SNRPN: variants seen among roughly 807,000 people sequenced by gnomAD.
SNRPN encodes small nuclear ribonucleoprotein polypeptide N, also known as small nuclear ribonucleoprotein-associated protein N.
Under a neutral mutation model 25.2 loss-of-function variants are expected in SNRPN, and 7 were observed. That is an observed-to-expected ratio of 0.28 (90% CI 0.16 to 0.52). SNRPN has a LOEUF of 0.52. SNRPN is among the 20% of genes least tolerant of loss of function. The probability of loss-of-function intolerance (pLI) is 0.96; values close to 1 mark genes in which losing one functional copy is unlikely to be tolerated. For synonymous variants in SNRPN, 124 were observed against 110.6 expected (o/e 1.12, Z -0.76); for missense variants, 196 against 322.5 (o/e 0.61, Z 3.00).
At chr15:24,909,809 A>T in intron 2 of SNRPN, 3 of 1,256,804 alleles carry the variant, frequency 2.4e-6, no homozygotes, top group Admixed American at 3.4e-5. Context: ...ATTCTTAACA[A>T]CTTTAACAAA....
At chr15:24,835,721 A>G (rs1816544140) in intron 2 of SNRPN, among the ~76,000 whole-genome samples, 1 of 152,172 alleles carries the variant, frequency 6.6e-6, no homozygotes, top group South Asian at 2.1e-4. Flanking sequence ...CAACTTTTTA[A>G]ACGTACCATG....
At chr15:24,917,912 G>A (rs2152419827) in intron 2 of SNRPN, among the ~76,000 whole-genome samples, 1 of 152,266 alleles carries the variant, frequency 6.6e-6, no homozygotes, top group Non-Finnish European at 1.5e-5. Flanking sequence ...TAACAAATGT[G>A]ACCTAAAGAG....
At chr15:24,953,967 A>T (rs1361652835), upstream of SNRPN, among the ~76,000 whole-genome samples, 1 of 152,108 alleles carries the variant, frequency 6.6e-6, no homozygotes, top group Non-Finnish European at 1.5e-5. Flanking sequence ...AGGGCTTGGG[A>T]GGGGATTTAA....
upstream of SNRPN, chr15:24,954,923 A>T (rs373436366): frequency 3.6e-6 from 5 of 1,406,870 alleles, no homozygotes; most frequent in Non-Finnish European, 4.9e-6. Context: ...CCGCAGAGGC[A>T]GGCTGGCGCG....
intron 1 of SNRPN, among the ~76,000 whole-genome samples, chr15:24,886,340 C>A (rs2057206178): frequency 6.6e-6 from 1 of 152,152 alleles, no homozygotes; most frequent in African/African-American, 2.4e-5. Context: ...TGTTCCTTGG[C>A]TATAAATTGC....
chr15:24,909,295 A>G (rs543164764), intron 2 of SNRPN: 3 of 1,602,948 alleles, frequency 1.9e-6, no homozygotes, highest in East Asian at 4.5e-5. Context: ...ATTGTTTGGT[A>G]CTGTGAGGGA....
At position 24,864,219 on chromosome 15, in the gene SNRPN, G is replaced by A. The variant is rs1454826831; in HGVS notation, c.-579+7503G>A. On this transcript the variant is annotated intron_variant, in intron 1 of 11. Transcript: ENST00000400097. ...TTTTTTTTGTATTTTTAGTAGAGAC[G>A]GGGTTTCACCATGTTAGCCAGGATG... is the stretch of plus-strand genomic sequence containing the variant. Among the ~76,000 whole-genome samples the A allele has an allele frequency of 1.4e-4, 20 of 140,710 alleles. No homozygotes were observed. The East Asian group carries it at 3.8e-3, about 26-fold the overall frequency. 92.3% of individuals were successfully genotyped at this position (140,710 alleles called of 152,430 possible). A position where few individuals can be genotyped will look rare whatever the true frequency, so the allele number is the denominator to read the frequency against.
intron 2 of SNRPN, among the ~76,000 whole-genome samples, chr15:24,907,425 G>A (rs780742247): frequency 1.3e-4 from 19 of 151,596 alleles, no homozygotes; most frequent in African/African-American, 2.2e-4. Context: ...GTGAAACCCC[G>A]TCTCTACTAA....
At chr15:24,976,751 T>A in intron 6 of SNRPN, 126 bp from the exon 7 acceptor site, 2 of 835,074 alleles carry the variant, frequency 2.4e-6, no homozygotes. Context: ...GTTTGTTCAT[T>A]TGGACACAGA....
At chr15:24,828,780 T>C (rs1490199860) in intron 1 of SNRPN, among the ~76,000 whole-genome samples, 2 of 152,074 alleles carry the variant, frequency 1.3e-5, no homozygotes, top group Admixed American at 1.3e-4. Context: ...GAAGCCATAC[T>C]AATGTAGCTG....
chr15:24,927,568 T>C (rs1595954974), intron 3 of SNRPN, among the ~76,000 whole-genome samples: 1 of 145,744 alleles, frequency 6.9e-6, no homozygotes, highest in East Asian at 2.1e-4. Flanking sequence ...CCCTAATGCA[T>C]TTCCTGAGAA....
chr15:24,870,232 T>C (rs974287590), intron 1 of SNRPN, among the ~76,000 whole-genome samples: 1 of 152,156 alleles, frequency 6.6e-6, no homozygotes, highest in African/African-American at 2.4e-5. Context: ...TAGTTTCTTT[T>C]ATTGGAAAAT....
At position 24,883,446 on chromosome 15, in the gene SNRPN, G is replaced by T. The variant is rs76078083; in HGVS notation, c.-578-3070G>T. Among the ~76,000 whole-genome samples the T allele has an allele frequency of 1.1e-3, 162 of 151,702 alleles. 2 individuals carry two copies. In the East Asian group the frequency reaches 0.028, roughly 26 times the overall value. On this transcript the variant is annotated intron_variant, in intron 1 of 11. Coordinates refer to the SNRPN transcript ENST00000400097. ...GGGCACACCCACTGGGTGGCTCAGGGCCAGTTTTATAATCCCTACCCCCTC... is the reference window on the plus strand; with the variant it reads ...GGGCACACCCACTGGGTGGCTCAGGTCCAGTTTTATAATCCCTACCCCCTC...
At chr15:24,970,823 TTAAA>T (rs781547002) in intron 3 of SNRPN, among the ~76,000 whole-genome samples, 158 of 152,346 alleles carry the variant, frequency 1.0e-3, no homozygotes, top group Non-Finnish European at 2.0e-3. Context: ...TTTGTTTTTG[TTAAA>T]TAAACCTTTC....
intron 1 of SNRPN, among the ~76,000 whole-genome samples, chr15:24,960,332 C>A (rs2074561119): frequency 6.6e-6 from 1 of 152,004 alleles, no homozygotes; most frequent in Non-Finnish European, 1.5e-5. Flanking sequence ...CAGATGGTGG[C>A]ATTTCAGTGG....
rs529994330 is a variant in SNRPN at position 24,922,643 on chromosome 15, AT to A, written c.-391+2521del. 7.2e-5 allele frequency among the ~76,000 whole-genome samples: 11 copies of A among 152,110 alleles called. No homozygotes were observed. In the South Asian group the frequency reaches 1.9e-3, roughly 26 times the overall value. On this transcript the variant is annotated intron_variant, in intron 3 of 11. Coordinates refer to the SNRPN transcript ENST00000400097. ...GAATACATCTTACGTAGTTTTGTTT[AT>A]TCTTAACTGTATGTATTTTTTTGTC...
intron 2 of SNRPN, among the ~76,000 whole-genome samples, chr15:24,898,277 G>A (rs151063156): frequency 3.2e-4 from 49 of 152,240 alleles, no homozygotes; most frequent in African/African-American, 1.0e-3. Context: ...CATTTCATCC[G>A]GCCTCATTGG....
At chr15:24,845,866 C>T (rs971320464) in intron 2 of SNRPN, among the ~76,000 whole-genome samples, 3 of 151,994 alleles carry the variant, frequency 2.0e-5, no homozygotes, top group South Asian at 4.2e-4. Context: ...GGGTGGATCA[C>T]GACGTCAGGA....
chr15:24,890,806 G>T (rs899898054), intron 2 of SNRPN, among the ~76,000 whole-genome samples: 2 of 152,184 alleles, frequency 1.3e-5, no homozygotes, highest in Non-Finnish European at 2.9e-5. Flanking sequence ...TTTTTCTCTT[G>T]TAAATCTGTC....
Sources: allele counts gnomAD v4.1 joint callset (sites outside exome capture counted in the v4.1 genomes callset), GRCh38; gene constraint gnomAD v4.1.1; transcripts MANE v1.5; gene names NCBI Gene and HGNC (gene_info 2026-07-23, HGNC 2026-07-21).